Variants in ANKRD34C observed in about 807,000 individuals in gnomAD.
ANKRD34C encodes the protein ankyrin repeat domain-containing protein 34C.
For synonymous variants in ANKRD34C, 260 were observed against 253.6 expected, an observed-to-expected ratio of 1.03 and a Z score of -0.24; for missense variants, 563 against 653.0, an observed-to-expected ratio of 0.86 and a Z score of 1.50.
rs558511797 is a variant in ANKRD34C at position 79,293,608 on chromosome 15, T to C, written c.324T>C (p.Asn108=). 41 of 1,551,744 alleles carry C rather than the reference T, an allele frequency of 2.6e-5. No individual in the cohort carries two copies. The East Asian group carries it at 7.1e-4, about 27-fold the overall frequency. Residue 108 remains asparagine, a synonymous_variant, in exon 2 of 2, where the codon AAT becomes AAC. Transcript: ENST00000421388. ...GGEVVSLLLE[N]GADPSLEDRT... ...AAGTGGTCTCCTTATTACTGGAGAA[T>C]GGAGCAGACCCCAGCCTTGAAGATC...
rs1172875278 is a variant in ANKRD34C at position 79,293,933 on chromosome 15, C to G, written c.649C>G (p.Pro217Ala). 11 of 1,551,548 alleles carry G rather than the reference C, an allele frequency of 7.1e-6. No individual in the cohort carries two copies. The highest frequency in any genetic ancestry group is 1.4e-5 in the African/African-American group (1 of 73,046). ...CTTCTTCAGCCTCCAAGCAGGGCAT[C>G]CAAGCAGTTGTAACACCTCCAAGGC... Reference protein sequence around the residue: ...DDFFSLQAGHPSSCNTSKAVN... With the variant: ...DDFFSLQAGHASSCNTSKAVN... Residue 217 changes from proline to alanine, a missense_variant, in exon 2 of 2, where the codon CCA becomes GCA. By Grantham distance (27) the Pro-to-Ala change is conservative (BLOSUM62 -1). Coordinates refer to ENST00000421388, the MANE Select transcript of ANKRD34C (RefSeq NM_001146341.2).
rs1567017333 is a variant in ANKRD34C at position 79,296,407 on chromosome 15, T to C, written c.*1515T>C. On this transcript the variant is annotated 3_prime_UTR_variant, in exon 2 of 2. Coordinates refer to ENST00000421388, the MANE Select transcript of ANKRD34C (RefSeq NM_001146341.2). ...AAGTCACTGGATAAGAAGTAGCTAA[T>C]TTTAATGTATTTCTTGAGACTGCTG... The C allele has an allele frequency of 1.2e-5, 2 of 167,124 alleles. No homozygotes were observed. Among genetic ancestry groups the C allele is most frequent in the Admixed American group, 6.5e-5 (1 of 15,288 alleles). The allele number at this position is 167,124 out of a possible 1,614,324, so 10.4% of individuals were successfully genotyped here. A position where few individuals can be genotyped will look rare whatever the true frequency, so the allele number is the denominator to read the frequency against.
intron 1 of ANKRD34C, among the ~76,000 whole-genome samples, chr15:79,291,757 G>C (rs2058660424): frequency 6.6e-6 from 1 of 152,038 alleles, no homozygotes; most frequent in South Asian, 2.1e-4. Flanking sequence ...AAATCTAGCA[G>C]AACACATAAA....
intron 1 of ANKRD34C, among the ~76,000 whole-genome samples, chr15:79,291,404 T>C (rs1298425123): frequency 2.0e-5 from 3 of 152,168 alleles, no homozygotes; most frequent in Non-Finnish European, 4.4e-5. Flanking sequence ...ATTCCACTCA[T>C]TCATCTAGTC....
At position 79,297,209 on chromosome 15, in the gene ANKRD34C, A is replaced by G. The variant is rs2058674343; in HGVS notation, c.*2317A>G. 6.0e-6 allele frequency: 1 copy of G among 167,112 alleles called. No individual in the cohort carries two copies. 10.4% of individuals were successfully genotyped at this position (167,112 alleles called of 1,614,324 possible). The stretch of plus-strand genomic sequence containing the variant: ...GAAACAACTTTCCAATGCATTCAAG[A>G]GAGAATCATACGGACAACCATCATT... On this transcript the variant is annotated 3_prime_UTR_variant, in exon 2 of 2. Transcript: ENST00000421388.
rs78671682 is a variant in ANKRD34C at position 79,294,327 on chromosome 15, C to A, written c.1043C>A (p.Thr348Asn). 1.4e-3 allele frequency: 2,115 copies of A among 1,551,682 alleles called. 23 individuals are homozygous for A. In the Admixed American group the frequency reaches 0.023, roughly 17 times the overall value. Reference protein sequence around the residue: ...APHPRLARRGTLPVDQEKCGM... With the variant: ...APHPRLARRGNLPVDQEKCGM... The stretch of plus-strand genomic sequence containing the variant: ...CACCCACGTCTGGCCAGGAGAGGAA[C>A]TCTCCCTGTTGACCAAGAGAAATGT... Residue 348 changes from threonine to asparagine, a missense_variant, in exon 2 of 2, where the codon ACT becomes AAT. Transcript: ENST00000421388.
At chr15:79,288,544 T>A (rs1032528482) in intron 1 of ANKRD34C, among the ~76,000 whole-genome samples, 1 of 152,156 alleles carries the variant, frequency 6.6e-6, no homozygotes, top group African/African-American at 2.4e-5. Context: ...GGTCAGTTTC[T>A]TCTAGTCAGC....
In ANKRD34C at chr15:79,293,923, A is replaced by G. The variant is rs1474965713; in HGVS notation, c.639A>G (p.Gln213=). The part of the protein sequence containing the change: ...TEKEDDFFSL[Q]AGHPSSCNTS... ...AGGAAGATGACTTCTTCAGCCTCCA[A>G]GCAGGGCATCCAAGCAGTTGTAACA... Residue 213 remains glutamine, a synonymous_variant, in exon 2 of 2, where the codon CAA becomes CAG. Coordinates refer to ENST00000421388, the MANE Select transcript of ANKRD34C (RefSeq NM_001146341.2). The G allele has an allele frequency of 1.2e-5, 19 of 1,551,536 alleles. No homozygotes were observed. The highest frequency in any genetic ancestry group is 1.7e-5 in the Non-Finnish European group (19 of 1,146,986).
chr15:79,290,685 GA>G lies in ANKRD34C; in HGVS notation c.-44-2554del, dbSNP rs532569930. Among the ~76,000 whole-genome samples, 33 of 152,334 alleles carry G rather than the reference GA, an allele frequency of 2.2e-4. 1 individual carries two copies. Among genetic ancestry groups the G allele is most frequent in the Middle Eastern group, 6.8e-3 (2 of 294 alleles). On this transcript the variant is annotated intron_variant, in intron 1 of 1. Transcript: ENST00000421388. Reference sequence around the variant, plus strand: ...CAAGAACTACTTAGGCTTTGCCTTGGAAGTCACACAGTTACATTTTATGGCT... The same window carrying G: ...CAAGAACTACTTAGGCTTTGCCTTGGAGTCACACAGTTACATTTTATGGCT...
At chr15:79,288,808 T>G (rs667822) in intron 1 of ANKRD34C, among the ~76,000 whole-genome samples, 1 of 142,272 alleles carries the variant, frequency 7.0e-6, no homozygotes, top group African/African-American at 2.6e-5. Context: ...TTAAGCCCAG[T>G]ATTCTTTTTT....
chr15:79,290,305 G>C (rs1412113117), intron 1 of ANKRD34C, among the ~76,000 whole-genome samples: 2 of 149,222 alleles, frequency 1.3e-5, no homozygotes, highest in Non-Finnish European at 3.0e-5. Context: ...GATTGCAGTT[G>C]TGAGCCATCA....
At chr15:79,291,346 A>G (rs1483707418) in intron 1 of ANKRD34C, among the ~76,000 whole-genome samples, 1 of 152,104 alleles carries the variant, frequency 6.6e-6, no homozygotes, top group East Asian at 1.9e-4. Flanking sequence ...AGGCCAGGAG[A>G]AGAAGGACCC....
intron 1 of ANKRD34C, among the ~76,000 whole-genome samples, chr15:79,291,374 G>A (rs1254547304): frequency 6.6e-6 from 1 of 152,126 alleles, no homozygotes; most frequent in East Asian, 1.9e-4. Context: ...GAAATGGAAA[G>A]AAGCATGTTT....
In ANKRD34C at chr15:79,297,373, T is replaced by C. The variant is rs183379348; in HGVS notation, c.*2481T>C. On this transcript the variant is annotated 3_prime_UTR_variant, in exon 2 of 2. Coordinates refer to ENST00000421388, the MANE Select transcript of ANKRD34C (RefSeq NM_001146341.2). ...TTCAGTTGTGAGTATAGCAAGACACTGCATAGGAGCATTTTTTTTCTAAAC... is the reference window on the plus strand; with the variant it reads ...TTCAGTTGTGAGTATAGCAAGACACCGCATAGGAGCATTTTTTTTCTAAAC... 4.8e-5 allele frequency: 8 copies of C among 167,244 alleles called. No homozygotes were observed. In the East Asian group the frequency reaches 1.5e-3, roughly 32 times the overall value. 10.4% of individuals were successfully genotyped at this position (167,244 alleles called of 1,614,324 possible).
rs773858663 is a variant in ANKRD34C, at chr15:79,294,290, G to T, written c.1006G>T (p.Gly336Cys). Residue 336 changes from glycine (G) to cysteine (C), a missense_variant, in exon 2 of 2, where the codon GGT (glycine) becomes TGT (cysteine). By Grantham distance (159) the Gly-to-Cys change is radical (BLOSUM62 -3). Transcript: ENST00000421388. The part of the protein sequence containing the change: ...PASWKAAYEK[G>C]QAPHPRLARR... ...ATCCTGGAAAGCAGCCTATGAGAAA[G>T]GTCAGGCTCCCCACCCACGTCTGGC... 44 of 1,551,576 alleles carry T rather than the reference G, an allele frequency of 2.8e-5. No individual in the cohort carries two copies. The highest frequency in any genetic ancestry group is 3.7e-5 in the Non-Finnish European group (42 of 1,147,010).
Position 79,297,895 on chromosome 15 carries a change from T to C in ANKRD34C, c.*3003T>C, listed in dbSNP as rs1314618. 2 of 166,514 alleles carry C rather than the reference T, an allele frequency of 1.2e-5. No homozygotes were observed. The highest frequency in any genetic ancestry group is 4.8e-5 in the African/African-American group (2 of 41,582). The allele number at this position is 166,514 out of a possible 1,614,324, so 10.3% of individuals were successfully genotyped here. On this transcript the variant is annotated 3_prime_UTR_variant, in exon 2 of 2. Coordinates refer to ENST00000421388, the MANE Select transcript of ANKRD34C (RefSeq NM_001146341.2). ...AACTGCTTAAGCATTTCTGGACTGT[T>C]TATCAAAATATATTACAGAATGTGA...
Position 79,294,179 on chromosome 15 carries a change from ACCAACAGTATCGATAGCAAAGAC to A in ANKRD34C, c.898_920del (p.Asn300HisfsTer27). 1.3e-6 allele frequency: 2 copies of A among 1,551,614 alleles called. No homozygotes were observed. The highest frequency in any genetic ancestry group is 1.7e-6 in the Non-Finnish European group (2 of 1,146,980). On this transcript the variant is annotated frameshift_variant, in exon 2 of 2. Transcript: ENST00000421388. LOFTEE classifies it low-confidence loss of function (END_TRUNC). ...CCCTAAAAGGGGGCCCCTCTCCAGA[ACCAACAGTATCGATAGCAAAGAC>A]CCCACCCTCTTTCACACAGTCACAG... is the stretch of plus-strand genomic sequence containing the variant.
At position 79,293,879 on chromosome 15, in the gene ANKRD34C, G is replaced by A. The variant is rs1190402936; in HGVS notation, c.595G>A (p.Asp199Asn). The change falls in exon 2 of 2, where the codon GAC (aspartate) becomes AAC (asparagine). Residue 199 changes from aspartate (D) to asparagine (N), a missense_variant. Asp to Asn is a conservative substitution (Grantham distance 23). Coordinates refer to ENST00000421388, the MANE Select transcript of ANKRD34C (RefSeq NM_001146341.2). The part of the protein sequence containing the change: ...SDIELKALGL[D>N]SPLTEKEDDF... ...CATAGAGCTGAAGGCTCTAGGCCTG[G>A]ACTCTCCACTCACTGAGAAGGAAGA... 23 of 1,551,540 alleles carry A rather than the reference G, an allele frequency of 1.5e-5. No individual in the cohort carries two copies. The Admixed American group carries it at 1.8e-4, about 12-fold the overall frequency.
chr15:79,291,601 C>CACACACAGAG (rs1429207880), intron 1 of ANKRD34C, among the ~76,000 whole-genome samples: 5 of 83,996 alleles, frequency 6.0e-5, no homozygotes, highest in African/African-American at 9.1e-5. Flanking sequence ...CACACACACA[C>CACACACAGAG]AGAGAGAGAG....
Sources: allele counts gnomAD v4.1 joint callset (sites outside exome capture counted in the v4.1 genomes callset), GRCh38; gene constraint gnomAD v4.1.1; transcripts MANE v1.5; gene names NCBI Gene and HGNC (gene_info 2026-07-23, HGNC 2026-07-21).